CDH18: variants seen among roughly 807,000 people sequenced by gnomAD.
The protein encoded by CDH18 is cadherin-18.
CDH18 carries 31 observed loss-of-function variants against 67.9 expected under a neutral mutation model. The ratio of observed to expected loss-of-function variants is 0.46; its 90% confidence interval spans 0.34 to 0.62. The LOEUF (loss-of-function observed/expected upper bound fraction) is 0.62, where lower values mean the gene tolerates loss of function less well. CDH18 is among the 20% of genes least tolerant of loss of function. The pLI is 0.01. For synonymous variants in CDH18, 362 were observed against 347.2 expected (o/e 1.04, Z -0.48); for missense variants, 890 against 975.5 (o/e 0.91, Z 1.17).
At chr5:20,375,463 G>C (rs999957997) in intron 1 of CDH18, among the ~76,000 whole-genome samples, 3 of 152,218 alleles carry the variant, frequency 2.0e-5, no homozygotes, top group East Asian at 3.9e-4. Flanking sequence ...GTGGTGGTGG[G>C]GGGCAGGGAA....
intron 1 of CDH18, among the ~76,000 whole-genome samples, chr5:20,477,248 A>G (rs1752502801): frequency 6.6e-6 from 1 of 152,076 alleles, no homozygotes; most frequent in African/African-American, 2.4e-5. Context: ...AGATGGCCAA[A>G]TAGAAGCTGC....
intron 8 of CDH18, among the ~76,000 whole-genome samples, chr5:19,546,885 C>T (rs1299307685): frequency 1.3e-5 from 2 of 152,042 alleles, no homozygotes; most frequent in African/African-American, 4.8e-5. Context: ...AAGGAACTGA[C>T]CATTGTACAT....
chr5:19,817,015 T>G (rs1050428116), intron 3 of CDH18, among the ~76,000 whole-genome samples: 6 of 151,790 alleles, frequency 4.0e-5, no homozygotes, highest in Admixed American at 1.3e-4. Flanking sequence ...AAAGAATTAA[T>G]AGGGCTGATA....
At chr5:19,702,887 A>G (rs966098329) in intron 5 of CDH18, among the ~76,000 whole-genome samples, 1 of 152,170 alleles carries the variant, frequency 6.6e-6, no homozygotes, top group South Asian at 2.1e-4. Context: ...AAACCACTTA[A>G]GGCATTCCTG....
chr5:19,870,032 G>T (rs895775067), intron 2 of CDH18, among the ~76,000 whole-genome samples: 2 of 151,996 alleles, frequency 1.3e-5, no homozygotes. Flanking sequence ...TATTTTAAAG[G>T]ACTGTAGCTT....
chr5:19,870,321 T>G lies in CDH18; in HGVS notation c.-256-31079A>C, dbSNP rs539831313. On this transcript the variant is annotated intron_variant, in intron 2 of 12. Coordinates refer to ENST00000382275, the MANE Select transcript of CDH18 (RefSeq NM_004934.5). Reference sequence around the variant, plus strand: ...GTCAGTAGTTACACATGTATTTTGTTGCTCTAAACTTGTTCTACTTTATGC... The same window carrying G: ...GTCAGTAGTTACACATGTATTTTGTGGCTCTAAACTTGTTCTACTTTATGC... Among the ~76,000 whole-genome samples the G allele has an allele frequency of 5.9e-5, 9 of 152,282 alleles. No homozygotes were observed. The East Asian group carries it at 1.7e-3, about 29-fold the overall frequency.
intron 1 of CDH18, among the ~76,000 whole-genome samples, chr5:20,536,208 T>C (rs1756706714): frequency 6.6e-6 from 1 of 152,136 alleles, no homozygotes; most frequent in South Asian, 2.1e-4. Flanking sequence ...AACCAATTGA[T>C]CAGTTGGAGA....
intron 2 of CDH18, among the ~76,000 whole-genome samples, chr5:20,082,328 C>T (rs1744551868): frequency 6.6e-6 from 1 of 151,998 alleles, no homozygotes. Flanking sequence ...TAGCTTGGTG[C>T]AAAAGTAATT....
intron 2 of CDH18, among the ~76,000 whole-genome samples, chr5:19,968,619 C>A (rs375523137): frequency 6.8e-6 from 1 of 147,634 alleles, no homozygotes; most frequent in Non-Finnish European, 1.5e-5. Flanking sequence ...ATAAATGGTG[C>A]TGGGAAAACT....
At chr5:19,908,271 T>C (rs1464819263) in intron 2 of CDH18, among the ~76,000 whole-genome samples, 2 of 152,106 alleles carry the variant, frequency 1.3e-5, no homozygotes, top group African/African-American at 4.8e-5. Flanking sequence ...CAAGAGAATT[T>C]TGGCGTGTTA....
chr5:19,962,943 C>G (rs1220747803), intron 2 of CDH18, among the ~76,000 whole-genome samples: 1 of 152,032 alleles, frequency 6.6e-6, no homozygotes, highest in Non-Finnish European at 1.5e-5. Context: ...TCTCTTGAGA[C>G]TCATTGACAC....
chr5:19,706,672 C>T (rs1764008463), intron 5 of CDH18, among the ~76,000 whole-genome samples: 1 of 152,174 alleles, frequency 6.6e-6, no homozygotes. Flanking sequence ...ATGGGCATTC[C>T]AGCTTCTATT....
At chr5:20,533,444 A>G (rs1756534815) in intron 1 of CDH18, among the ~76,000 whole-genome samples, 1 of 152,150 alleles carries the variant, frequency 6.6e-6, no homozygotes, top group African/African-American at 2.4e-5. Context: ...AGCAGTAGAC[A>G]TGCAAAATTA....
chr5:20,367,429 G>T (rs1403987095), intron 1 of CDH18, among the ~76,000 whole-genome samples: 1 of 152,134 alleles, frequency 6.6e-6, no homozygotes, highest in Non-Finnish European at 1.5e-5. Flanking sequence ...AAAAAGGTTG[G>T]TTCCCAGTGT....
intron 11 of CDH18, among the ~76,000 whole-genome samples, chr5:19,494,333 T>C (rs1183272888): frequency 6.6e-6 from 1 of 152,166 alleles, no homozygotes; most frequent in Non-Finnish European, 1.5e-5. Flanking sequence ...ACTGATAAAA[T>C]AATAATTGCC....
chr5:19,851,227 C>T (rs1024943447), intron 2 of CDH18, among the ~76,000 whole-genome samples: 7 of 151,684 alleles, frequency 4.6e-5, no homozygotes, highest in African/African-American at 1.7e-4. Flanking sequence ...GCTGATATAA[C>T]TTTGTCGGGA....
At chr5:19,844,359 G>T (rs1253160439) in intron 2 of CDH18, among the ~76,000 whole-genome samples, 2 of 152,120 alleles carry the variant, frequency 1.3e-5, no homozygotes, top group Non-Finnish European at 2.9e-5. Context: ...GTTGTCATGA[G>T]ATCTGATGAT....
chr5:19,497,265 T>A (rs1406941699), intron 11 of CDH18, among the ~76,000 whole-genome samples: 2 of 152,334 alleles, frequency 1.3e-5, no homozygotes, highest in South Asian at 2.1e-4. Flanking sequence ...ACTAGTGATT[T>A]ACATGTCTAT....
chr5:20,054,554 G>A (rs1029712020), intron 2 of CDH18, among the ~76,000 whole-genome samples: 1 of 152,064 alleles, frequency 6.6e-6, no homozygotes, highest in Non-Finnish European at 1.5e-5. Flanking sequence ...CCAATTGAAG[G>A]TCTTTAGCGT....
Sources: allele counts gnomAD v4.1 joint callset (sites outside exome capture counted in the v4.1 genomes callset), GRCh38; gene constraint gnomAD v4.1.1; transcripts MANE v1.5; gene names NCBI Gene and HGNC (gene_info 2026-07-23, HGNC 2026-07-21).